Variants in ZNF618 observed in about 807,000 individuals in gnomAD.
ZNF618 encodes the protein zinc finger protein 618, also known as neural precursor cell expressed, developmentally down-regulated 10.
Under a neutral mutation model 103.0 loss-of-function variants are expected in ZNF618, and 34 were observed. The ratio of observed to expected loss-of-function variants is 0.33; its 90% confidence interval spans 0.25 to 0.44. The LOEUF is 0.44. Among genes scored for constraint, ZNF618 ranks in the 20% least tolerant of loss-of-function variants. The pLI, the probability that ZNF618 is intolerant of heterozygous loss-of-function variation, is 1.00. For synonymous variants in ZNF618, 551 were observed against 542.2 expected (o/e 1.02, Z -0.23); for missense variants, 1,059 against 1,295.4 (o/e 0.82, Z 2.80).
At chr9:113,921,034 TTGG>T (rs1832593252) in intron 1 of ZNF618, among the ~76,000 whole-genome samples, 1 of 152,220 alleles carries the variant, frequency 6.6e-6, no homozygotes, top group African/African-American at 2.4e-5. Flanking sequence ...GGCTGACCTA[TTGG>T]TGGCTCCAGC....
chr9:113,886,850 G>GA (rs1352561736), intron 1 of ZNF618, among the ~76,000 whole-genome samples: 1 of 148,660 alleles, frequency 6.7e-6, no homozygotes, highest in Non-Finnish European at 1.5e-5. Flanking sequence ...AGACTTAGTA[G>GA]AAAAAAAAGA....
intron 1 of ZNF618, among the ~76,000 whole-genome samples, chr9:113,905,619 A>G (rs1477818337): frequency 6.6e-6 from 1 of 152,190 alleles, no homozygotes; most frequent in African/African-American, 2.4e-5. Context: ...GGCTATTGGG[A>G]GTGTGAACTG....
At chr9:113,927,371 T>C (rs1003080272) in intron 1 of ZNF618, among the ~76,000 whole-genome samples, 1 of 152,222 alleles carries the variant, frequency 6.6e-6, no homozygotes, top group Admixed American at 6.5e-5. Flanking sequence ...CCTGTTGTCT[T>C]TGGGTTTCTT....
intron 1 of ZNF618, among the ~76,000 whole-genome samples, chr9:113,962,966 GGAGCTT>G (rs1296115307): frequency 3.9e-5 from 6 of 152,238 alleles, no homozygotes; most frequent in South Asian, 2.1e-4. Context: ...GCATGTAGAA[GGAGCTT>G]GATAAATGTT....
intron 14 of ZNF618, 82 bp downstream of exon 14, chr9:114,048,076 G>C: frequency 8.3e-7 from 1 of 1,204,190 alleles, no homozygotes; most frequent in Non-Finnish European, 1.2e-6. Context: ...CCCACCATTT[G>C]TGCTTCCTGT....
At chr9:113,933,841 G>C (rs1306623408) in intron 1 of ZNF618, among the ~76,000 whole-genome samples, 1 of 152,048 alleles carries the variant, frequency 6.6e-6, no homozygotes, top group Non-Finnish European at 1.5e-5. Flanking sequence ...GGATAGCAGT[G>C]GGGGAGGGGC....
chr9:113,905,494 C>T (rs569369117), intron 1 of ZNF618, among the ~76,000 whole-genome samples: 9 of 152,258 alleles, frequency 5.9e-5, no homozygotes, highest in South Asian at 2.1e-4. Context: ...GTGTACTGTC[C>T]GTGGCTGCTT....
chr9:113,972,726 T>C (rs1838087811), intron 2 of ZNF618, among the ~76,000 whole-genome samples: 1 of 152,186 alleles, frequency 6.6e-6, no homozygotes, highest in African/African-American at 2.4e-5. Flanking sequence ...ACTTACATAG[T>C]GACTTGATGT....
chr9:113,947,848 C>T (rs1835187135), intron 1 of ZNF618, among the ~76,000 whole-genome samples: 1 of 152,232 alleles, frequency 6.6e-6, no homozygotes, highest in Non-Finnish European at 1.5e-5. Flanking sequence ...TATTCTCTTT[C>T]TTCCCCTCTT....
At chr9:114,033,239 A>G (rs755498633) in intron 12 of ZNF618, among the ~76,000 whole-genome samples, 6 of 152,094 alleles carry the variant, frequency 3.9e-5, no homozygotes, top group Non-Finnish European at 8.8e-5. Context: ...GTGAAATCCC[A>G]TCTCTACTAA....
At chr9:113,997,102 T>C (rs1840693635) in intron 3 of ZNF618, among the ~76,000 whole-genome samples, 1 of 151,924 alleles carries the variant, frequency 6.6e-6, no homozygotes, top group South Asian at 2.1e-4. Context: ...TCTTCTTCTT[T>C]TTTCTTCTTT....
In ZNF618 at chr9:113,927,606, G is replaced by A. The variant is rs531439280; in HGVS notation, c.34-41511G>A. Among the ~76,000 whole-genome samples the A allele has an allele frequency of 2.0e-5, 3 of 152,304 alleles. No homozygotes were observed. In the South Asian group the frequency reaches 6.2e-4, roughly 32 times the overall value. On this transcript the variant is annotated intron_variant, in intron 1 of 14. Coordinates refer to ENST00000374126, the MANE Select transcript of ZNF618 (RefSeq NM_001318042.2). ...CCCCTTAGGTGAGACAGGAAGGCTA[G>A]AGGAGTCTGGAGTTGGATATTTTCC...
In ZNF618 at chr9:114,036,353, T is replaced by G. The variant is rs374290219; in HGVS notation, c.1222T>G (p.Leu408Val). 2 of 1,582,878 alleles carry G rather than the reference T, an allele frequency of 1.3e-6. No homozygotes were observed. The highest frequency in any genetic ancestry group is 1.7e-6 in the Non-Finnish European group (2 of 1,163,944). The change falls in exon 13 of 15, where the codon TTG (leucine) becomes GTG (valine). Residue 408 changes from leucine (L) to valine (V), a missense_variant. Physicochemically the swap from Leu to Val is conservative, Grantham distance 32. Transcript: ENST00000374126. ...CCAGTTCCAGTTCTACAACAACCTG[T>G]TGGAGCACATGCAGTCCCATGCAGG... ...GIQFQFYNNL[L>V]EHMQSHAADN...
At chr9:113,910,477 A>C (rs1227342503) in intron 1 of ZNF618, among the ~76,000 whole-genome samples, 1 of 152,170 alleles carries the variant, frequency 6.6e-6, no homozygotes, top group Non-Finnish European at 1.5e-5. Context: ...TTATTGGCCT[A>C]ATAACGAGCG....
intron 2 of ZNF618, among the ~76,000 whole-genome samples, chr9:113,982,674 A>G (rs575689603): frequency 5.9e-5 from 9 of 152,292 alleles, no homozygotes; most frequent in African/African-American, 2.2e-4. Flanking sequence ...ATCTGTATAC[A>G]TCAGGCAAAA....
At chr9:113,883,237 C>T (rs1828701772) in intron 1 of ZNF618, among the ~76,000 whole-genome samples, 1 of 152,148 alleles carries the variant, frequency 6.6e-6, no homozygotes, top group Non-Finnish European at 1.5e-5. Context: ...CCATGGCTCC[C>T]CTGGAATAAT....
chr9:114,049,406 TTGC>T lies in ZNF618; in HGVS notation c.2107_2109del (p.Leu703del). ...CTGGAACTCGGTGACGGACTCACTG[TTGC>T]TGGTGCATGAGCGCTATGAGCAGAT... On this transcript the variant is annotated inframe_deletion, in exon 15 of 15. Coordinates refer to ENST00000374126, the MANE Select transcript of ZNF618 (RefSeq NM_001318042.2). The T allele has an allele frequency of 6.2e-7, 1 of 1,603,976 alleles. No individual in the cohort carries two copies. Among genetic ancestry groups the T allele is most frequent in the Non-Finnish European group, 8.5e-7 (1 of 1,175,398 alleles).
At chr9:113,970,478 A>G (rs1837849074) in intron 2 of ZNF618, among the ~76,000 whole-genome samples, 1 of 152,094 alleles carries the variant, frequency 6.6e-6, no homozygotes, top group Non-Finnish European at 1.5e-5. Flanking sequence ...TGCAGGCTGT[A>G]TGATCTTTGT....
chr9:114,010,463 T>G (rs551825264), intron 9 of ZNF618, among the ~76,000 whole-genome samples: 1 of 152,156 alleles, frequency 6.6e-6, no homozygotes, highest in South Asian at 2.1e-4. Flanking sequence ...TCCTAGCACT[T>G]TGGGAGGCCG....
Sources: allele counts gnomAD v4.1 joint callset (sites outside exome capture counted in the v4.1 genomes callset), GRCh38; gene constraint gnomAD v4.1.1; transcripts MANE v1.5; gene names NCBI Gene and HGNC (gene_info 2026-07-23, HGNC 2026-07-21).